DRG1: variants seen among roughly 807,000 people sequenced by gnomAD.
DRG1 encodes the protein developmentally-regulated GTP-binding protein 1.
DRG1 carries 19 observed loss-of-function variants against 38.8 expected under a neutral mutation model. The ratio of observed to expected loss-of-function variants is 0.49; its 90% CI spans 0.34 to 0.72. The LOEUF (loss-of-function observed/expected upper bound fraction) is 0.72, where lower values mean the gene tolerates loss of function less well. Among genes scored for constraint, DRG1 ranks in the 30% least tolerant of loss-of-function variants. The pLI is 0.01. For synonymous variants in DRG1, 167 were observed against 157.5 expected (o/e 1.06, Z -0.45); for missense variants, 299 against 444.8 (o/e 0.67, Z 2.95).
intron 5 of DRG1, among the ~76,000 whole-genome samples, chr22:31,422,028 T>G (rs1309250656): frequency 6.6e-6 from 1 of 150,534 alleles, no homozygotes; most frequent in East Asian, 2.0e-4. Flanking sequence ...GGCAGGAGAA[T>G]CGAACCCAAG....
chr22:31,425,379 G>A (rs1335176019), intron 6 of DRG1, among the ~76,000 whole-genome samples: 1 of 151,972 alleles, frequency 6.6e-6, no homozygotes, highest in Non-Finnish European at 1.5e-5. Context: ...AGCAGGCCAG[G>A]CTGTGTCTGT....
chr22:31,407,647 TTTTG>T (rs948145341), intron 3 of DRG1, among the ~76,000 whole-genome samples: 8 of 151,864 alleles, frequency 5.3e-5, no homozygotes, highest in Non-Finnish European at 8.8e-5. Flanking sequence ...GAGTATGTTC[TTTTG>T]TTTGTTTTAT....
chr22:31,431,351 AG>A (rs1413152920), intron 8 of DRG1, among the ~76,000 whole-genome samples: 1 of 151,964 alleles, frequency 6.6e-6, no homozygotes, highest in Admixed American at 6.6e-5. Flanking sequence ...TTTTCTGAAT[AG>A]GAAAAAGGGT....
intron 6 of DRG1, among the ~76,000 whole-genome samples, chr22:31,424,305 C>T (rs2050095216): frequency 6.6e-6 from 1 of 151,824 alleles, no homozygotes; most frequent in Non-Finnish European, 1.5e-5. Context: ...GTGTGCACCA[C>T]CATGCCCAGC....
chr22:31,404,401 T>A (rs1601524243), intron 3 of DRG1, among the ~76,000 whole-genome samples: 1 of 151,374 alleles, frequency 6.6e-6, no homozygotes. Context: ...CCCCCATGGC[T>A]GGCTAATTTT....
At chr22:31,410,959 A>G (rs1601527113) in intron 3 of DRG1, 53 bp from the exon 4 acceptor site, 1 of 1,583,102 alleles carries the variant, frequency 6.3e-7, no homozygotes, top group Admixed American at 1.7e-5. Flanking sequence ...GATATTTTCA[A>G]ATTTATAACC....
At chr22:31,432,042 G>GTTT (rs34293725) in intron 8 of DRG1, among the ~76,000 whole-genome samples, 1 of 145,200 alleles carries the variant, frequency 6.9e-6, no homozygotes, top group African/African-American at 2.5e-5. Flanking sequence ...TTATTTTACT[G>GTTT]TTTTTTTTTT....
chr22:31,409,720 A>G (rs1474378423), intron 3 of DRG1, among the ~76,000 whole-genome samples: 3 of 152,112 alleles, frequency 2.0e-5, no homozygotes, highest in Admixed American at 6.6e-5. Flanking sequence ...TTGGCTGGGC[A>G]TGGTGGCTCA....
At chr22:31,400,129 C>T (rs560625939) in intron 1 of DRG1, among the ~76,000 whole-genome samples, 3 of 152,170 alleles carry the variant, frequency 2.0e-5, no homozygotes, top group East Asian at 3.9e-4. Flanking sequence ...CCTCATCATC[C>T]TTCGCTGCGT....
At chr22:31,408,134 C>CTT (rs1206312150) in intron 3 of DRG1, among the ~76,000 whole-genome samples, 4 of 38,294 alleles carry the variant, frequency 1.0e-4, no homozygotes, top group East Asian at 2.1e-3. Context: ...TTTTTTCCTT[C>CTT]TTTTTTTTTT....
chr22:31,424,615 C>T (rs1253341302), intron 6 of DRG1, among the ~76,000 whole-genome samples: 1 of 148,374 alleles, frequency 6.7e-6, no homozygotes, highest in Non-Finnish European at 1.5e-5. Context: ...TCTTCGGCCT[C>T]AGCCCCCTGA....
intron 8 of DRG1, among the ~76,000 whole-genome samples, chr22:31,431,118 T>C (rs2050137137): frequency 7.2e-6 from 1 of 139,398 alleles, no homozygotes; most frequent in Admixed American, 7.9e-5. Context: ...CACTGCAAGC[T>C]CCGCCTCCCG....
chr22:31,424,796 A>C (rs1024341055), intron 6 of DRG1, among the ~76,000 whole-genome samples: 1,183 of 17,596 alleles, frequency 0.067, no homozygotes, highest in African/African-American at 0.19. Flanking sequence ...TGTGCCCGGC[A>C]CCCGCCCCCC....
At chr22:31,430,178 G>C (rs909810009) in intron 8 of DRG1, among the ~76,000 whole-genome samples, 9 of 152,188 alleles carry the variant, frequency 5.9e-5, no homozygotes, top group African/African-American at 2.2e-4. Flanking sequence ...TGGGTGCTAA[G>C]CATGCTCATT....
rs1278780788 is a variant in DRG1, at chr22:31,405,172, C to CT, written c.342+1982dup. On this transcript the variant is annotated intron_variant, in intron 3 of 8. Coordinates refer to ENST00000331457, the MANE Select transcript of DRG1 (RefSeq NM_004147.4). ...TTTTGTAGAGGCCTTAATAAATTTTCTTTTTTTTTTTTTTGAGACAGAGTC... is the reference window on the plus strand; with the variant it reads ...TTTTGTAGAGGCCTTAATAAATTTTCTTTTTTTTTTTTTTTGAGACAGAGTC... Among the ~76,000 whole-genome samples, 799 of 139,020 alleles carry CT rather than the reference C, an allele frequency of 5.7e-3. 3 individuals are homozygous for CT. The highest frequency in any genetic ancestry group is 0.015 in the African/African-American group (569 of 37,320). The allele number at this position is 139,020 out of a possible 152,430, so 91.2% of individuals were successfully genotyped here.
intron 8 of DRG1, among the ~76,000 whole-genome samples, chr22:31,428,138 C>T (rs2050120852): frequency 6.6e-6 from 1 of 152,194 alleles, no homozygotes; most frequent in Admixed American, 6.5e-5. Context: ...AGGTGTGAGC[C>T]ACTATGCCCA....
At chr22:31,409,171 G>A (rs1428461048) in intron 3 of DRG1, among the ~76,000 whole-genome samples, 3 of 151,922 alleles carry the variant, frequency 2.0e-5, no homozygotes, top group Non-Finnish European at 4.4e-5. Flanking sequence ...TGCAACCTTC[G>A]ACTGTCGGGT....
chr22:31,410,430 G>C (rs1045726722), intron 3 of DRG1, among the ~76,000 whole-genome samples: 2 of 152,012 alleles, frequency 1.3e-5, no homozygotes, highest in African/African-American at 2.4e-5. Flanking sequence ...ACTCCAGCTT[G>C]GGCGGCAGAG....
At chr22:31,429,206 G>C (rs1198835100) in intron 8 of DRG1, among the ~76,000 whole-genome samples, 2 of 151,718 alleles carry the variant, frequency 1.3e-5, no homozygotes, top group Non-Finnish European at 2.9e-5. Context: ...GCAACCTCTG[G>C]CTCCTGGGTT....
Sources: gnomAD v4.1 joint callset for allele counts (sites outside exome capture counted in the v4.1 genomes callset) on GRCh38, gnomAD v4.1.1 for gene constraint, MANE v1.5 for transcripts, NCBI Gene and HGNC (gene_info 2026-07-23, HGNC 2026-07-21) for gene names.